The following PSMB2 variants were observed in gnomAD, a reference collection of about 807,000 sequenced individuals.
The protein encoded by PSMB2 is proteasome subunit beta type-2.
A neutral mutation model predicts 25.7 loss-of-function variants in PSMB2; 13 were observed. That is an observed-to-expected ratio of 0.51 (90% CI 0.33 to 0.80). The LOEUF (loss-of-function observed/expected upper bound fraction) is 0.80, where lower values mean the gene tolerates loss of function less well. PSMB2 is among the 30% of genes least tolerant of loss of function. The probability of loss-of-function intolerance (pLI) is 0.02; values close to 1 mark genes in which losing one functional copy is unlikely to be tolerated. For missense variants in PSMB2, 202 were observed against 259.0 expected (o/e 0.78, Z 1.51); for synonymous variants, 87 against 96.2 (o/e 0.90, Z 0.56).
At chr1:35,604,127 T>G (rs1012514709) in intron 5 of PSMB2, among the ~76,000 whole-genome samples, 5 of 151,898 alleles carry the variant, frequency 3.3e-5, no homozygotes, top group Admixed American at 6.6e-5. Flanking sequence ...ACGCTCCTGC[T>G]CTTATCTTCC....
At chr1:35,604,651 G>A (rs1010640572) in intron 5 of PSMB2, among the ~76,000 whole-genome samples, 2 of 152,140 alleles carry the variant, frequency 1.3e-5, no homozygotes, top group Admixed American at 6.5e-5. Flanking sequence ...CATGGTGGTG[G>A]GCAACTGTAA....
At chr1:35,628,483 A>G (rs894751065) in intron 3 of PSMB2, among the ~76,000 whole-genome samples, 3 of 150,072 alleles carry the variant, frequency 2.0e-5, no homozygotes, top group Admixed American at 1.3e-4. Flanking sequence ...CACCACAGGA[A>G]CTTCTGGGTG....
At position 35,601,526 on chromosome 1, in the gene PSMB2, C is replaced by T. The variant is rs1650000261; in HGVS notation, c.*1741G>A. The T allele has an allele frequency of 4.1e-6, 4 of 985,170 alleles. No homozygotes were observed. The African/African-American group carries it at 5.2e-5, about 13-fold the overall frequency. The allele number at this position is 985,170 out of a possible 1,614,324, so 61.0% of individuals were successfully genotyped here. On this transcript the variant is annotated 3_prime_UTR_variant, in exon 6 of 6. Coordinates refer to ENST00000373237, the MANE Select transcript of PSMB2 (RefSeq NM_002794.5). ...CATTTACTCAATGATTAGCTTTCTTCTTATGGTGTAAGGCATTTATCATTG... is the reference window on the plus strand; with the variant it reads ...CATTTACTCAATGATTAGCTTTCTTTTTATGGTGTAAGGCATTTATCATTG...
chr1:35,603,189 G>A lies in PSMB2; in HGVS notation c.*78C>T, dbSNP rs16866306. 7.5e-3 allele frequency: 11,575 copies of A among 1,548,120 alleles called. 306 individuals are homozygous for A. The highest frequency in any genetic ancestry group is 0.056 in the African/African-American group (4,062 of 72,464). ...TCTGAATTAACCATTTATCAAGAGT[G>A]CGCCTGAAAAGAGTAGAAAAAAATA... On this transcript the variant is annotated 3_prime_UTR_variant, in exon 6 of 6. Transcript: ENST00000373237.
At position 35,599,758 on chromosome 1, in the gene PSMB2, T is replaced by C; in HGVS notation, c.*3509A>G. On this transcript the variant is annotated 3_prime_UTR_variant, in exon 6 of 6. Transcript: ENST00000373237. ...GAGAAAGACCTGGAGAGGGAAGAGA[T>C]TAAAAGTAGAGTGAAGTTAGGAGGC... 2.0e-6 allele frequency: 2 copies of C among 983,300 alleles called. No individual in the cohort carries two copies. Among genetic ancestry groups the C allele is most frequent in the Non-Finnish European group, 2.4e-6 (2 of 828,160 alleles). The allele number at this position is 983,300 out of a possible 1,614,324, so 60.9% of individuals were successfully genotyped here.
At chr1:35,638,184 CA>C (rs1651297863) in intron 1 of PSMB2, among the ~76,000 whole-genome samples, 1 of 152,132 alleles carries the variant, frequency 6.6e-6, no homozygotes, top group Non-Finnish European at 1.5e-5. Context: ...GTTTTTTAAA[CA>C]CTGAATATGT....
At chr1:35,640,642 T>C (rs1651367270) in intron 1 of PSMB2, among the ~76,000 whole-genome samples, 1 of 151,294 alleles carries the variant, frequency 6.6e-6, no homozygotes. Context: ...AGGAAACTTA[T>C]CAGAGATTCG....
At chr1:35,612,290 G>GC (rs1557449326) in intron 3 of PSMB2, among the ~76,000 whole-genome samples, 1 of 143,262 alleles carries the variant, frequency 7.0e-6, no homozygotes, top group Non-Finnish European at 1.5e-5. Flanking sequence ...GAGCTTCTGG[G>GC]TTTTTTTTTT....
At chr1:35,610,785 C>T (rs911687552) in intron 3 of PSMB2, among the ~76,000 whole-genome samples, 6 of 152,186 alleles carry the variant, frequency 3.9e-5, no homozygotes, top group East Asian at 1.9e-4. Context: ...TGAGCCACTG[C>T]GCCCGGCCAT....
At position 35,603,351 on chromosome 1, in the gene PSMB2, A is replaced by T; in HGVS notation, c.522T>A (p.Asn174Lys). ...TGATTCGAACACTGAAGGTTGGCAG[A>T]TTCAGGATGAAGCGTTTCTGGAGCT... Reference protein sequence around the residue: ...LEELQKRFILNLPTFSVRIID... With the variant: ...LEELQKRFILKLPTFSVRIID... Residue 174 changes from asparagine (N) to lysine (K), a missense_variant, in exon 6 of 6, where the codon AAT becomes AAA. Transcript: ENST00000373237. 2 of 1,614,200 alleles carry T rather than the reference A, an allele frequency of 1.2e-6. No individual in the cohort carries two copies. Among genetic ancestry groups the T allele is most frequent in the South Asian group, 2.2e-5 (2 of 91,080 alleles).
At chr1:35,625,594 C>T (rs1315508161) in intron 3 of PSMB2, among the ~76,000 whole-genome samples, 2 of 151,778 alleles carry the variant, frequency 1.3e-5, no homozygotes, top group East Asian at 3.9e-4. Context: ...AACCCCGTCT[C>T]TACTAAAAAT....
chr1:35,599,551 A>C lies in PSMB2; in HGVS notation c.*3716T>G. ...ACGAGGCCATGTAAATTTAGTTGGAACACAGGCTTTATGAGGTGTAAAGGA... is the reference window on the plus strand; with the variant it reads ...ACGAGGCCATGTAAATTTAGTTGGACCACAGGCTTTATGAGGTGTAAAGGA... On this transcript the variant is annotated 3_prime_UTR_variant, in exon 6 of 6. Transcript: ENST00000373237. 2.0e-6 allele frequency: 2 copies of C among 984,008 alleles called. No individual in the cohort carries two copies. Among genetic ancestry groups the C allele is most frequent in the Non-Finnish European group, 2.4e-6 (2 of 828,628 alleles). 61.0% of individuals were successfully genotyped at this position (984,008 alleles called of 1,614,324 possible).
At chr1:35,639,418 A>T (rs1346435492) in intron 1 of PSMB2, among the ~76,000 whole-genome samples, 2 of 152,186 alleles carry the variant, frequency 1.3e-5, no homozygotes, top group Non-Finnish European at 2.9e-5. Flanking sequence ...TTTCTCCCAT[A>T]CCATAGTTAT....
intron 3 of PSMB2, among the ~76,000 whole-genome samples, chr1:35,617,923 A>C (rs546816823): frequency 6.6e-6 from 1 of 152,174 alleles, no homozygotes; most frequent in African/African-American, 2.4e-5. Flanking sequence ...GACATAGCAC[A>C]TTGGTTAATT....
At chr1:35,623,760 C>A (rs1198336714) in intron 3 of PSMB2, among the ~76,000 whole-genome samples, 1 of 152,238 alleles carries the variant, frequency 6.6e-6, no homozygotes, top group East Asian at 1.9e-4. Flanking sequence ...GAAGGCAGTG[C>A]TGCGTCATGT....
chr1:35,603,829 CAGG>C (rs1188084649), intron 5 of PSMB2, among the ~76,000 whole-genome samples: 1 of 152,042 alleles, frequency 6.6e-6, no homozygotes, highest in African/African-American at 2.4e-5. Context: ...ATCTTGAGCC[CAGG>C]AGTTCAAGAC....
At position 35,610,311 on chromosome 1, in the gene PSMB2, G is replaced by A. The variant is rs140010634; in HGVS notation, c.286-903C>T. Among the ~76,000 whole-genome samples the A allele has an allele frequency of 5.9e-3, 896 of 151,922 alleles. 19 individuals are homozygous for A. The East Asian group carries it at 0.062, about 10-fold the overall frequency. On this transcript the variant is annotated intron_variant, in intron 3 of 5. Coordinates refer to ENST00000373237, the MANE Select transcript of PSMB2 (RefSeq NM_002794.5). ...AAAAATTAGCCGGGCATGATGGCGC[G>A]CACCTGTGGTCCCAGCTACTCAGGA...
intron 2 of PSMB2, among the ~76,000 whole-genome samples, chr1:35,632,638 A>C (rs1408087529): frequency 6.6e-6 from 1 of 152,214 alleles, no homozygotes; most frequent in Non-Finnish European, 1.5e-5. Flanking sequence ...TCATGCCTGT[A>C]ATCACAGCAC....
At chr1:35,616,220 T>C (rs1553124041) in intron 3 of PSMB2, among the ~76,000 whole-genome samples, 1 of 152,202 alleles carries the variant, frequency 6.6e-6, no homozygotes. Flanking sequence ...CCTACATGCT[T>C]TTCCAGGAAA....
Sources: allele counts gnomAD v4.1 joint callset (sites outside exome capture counted in the v4.1 genomes callset), GRCh38; gene constraint gnomAD v4.1.1; transcripts MANE v1.5; gene names NCBI Gene and HGNC (gene_info 2026-07-23, HGNC 2026-07-21).